Variants in ADK observed in about 807,000 individuals in gnomAD.
The protein encoded by ADK is adenosine kinase, also known as N6,N6-dimethyladenosine kinase.
In ADK, 24 loss-of-function variants were observed where a neutral mutation model predicts 44.7. That is an observed-to-expected ratio of 0.54 (90% CI 0.39 to 0.76). The LOEUF (loss-of-function observed/expected upper bound fraction) is 0.76. Ranked by LOEUF, ADK falls within the 30% of genes least tolerant of loss-of-function variation. The pLI, the probability that ADK is intolerant of heterozygous loss-of-function variation, is 0.00. For synonymous variants in ADK, 128 were observed against 142.6 expected (o/e 0.90, Z 0.73); for missense variants, 321 against 425.1 (o/e 0.76, Z 2.15).
chr10:74,490,080 A>G (rs1216101398), intron 6 of ADK, among the ~76,000 whole-genome samples: 1 of 152,038 alleles, frequency 6.6e-6, no homozygotes, highest in Non-Finnish European at 1.5e-5. Context: ...CCATGGTTCC[A>G]GTCATAATCT....
intron 10 of ADK, among the ~76,000 whole-genome samples, chr10:74,705,936 A>G (rs1856590229): frequency 6.6e-6 from 1 of 152,344 alleles, no homozygotes; most frequent in African/African-American, 2.4e-5. Flanking sequence ...CTTCTTTGCT[A>G]AAATGTTAAA....
chr10:74,372,986 A>G (rs773603908), intron 4 of ADK, among the ~76,000 whole-genome samples: 54 of 152,328 alleles, frequency 3.5e-4, no homozygotes, highest in Admixed American at 8.5e-4. Flanking sequence ...AATGATAGAC[A>G]TATCTATTAA....
At chr10:74,374,909 C>T (rs1842772125) in intron 4 of ADK, among the ~76,000 whole-genome samples, 1 of 152,062 alleles carries the variant, frequency 6.6e-6, no homozygotes, top group African/African-American at 2.4e-5. Context: ...GTTTTTTGTT[C>T]GTACCTTTAT....
chr10:74,605,398 A>T (rs1306173912), intron 9 of ADK, among the ~76,000 whole-genome samples: 1 of 152,130 alleles, frequency 6.6e-6, no homozygotes, highest in Non-Finnish European at 1.5e-5. Flanking sequence ...AATAGTTCGT[A>T]TTATTTTAAG....
In ADK at chr10:74,503,978, C is replaced by G. The variant is rs1847962319; in HGVS notation, c.556-21278C>G. On this transcript the variant is annotated intron_variant, in intron 6 of 10. Coordinates refer to ENST00000539909, the MANE Select transcript of ADK (RefSeq NM_006721.4). ...ACAGATTTACTTACGCTACCTCATA[C>G]AGAATAAAGTACTTCCATTTTCCAA... is the stretch of plus-strand genomic sequence containing the variant. Among the ~76,000 whole-genome samples, 4 of 152,114 alleles carry G rather than the reference C, an allele frequency of 2.6e-5. No homozygotes were observed. The South Asian group carries it at 8.3e-4, about 32-fold the overall frequency.
chr10:74,557,486 T>C (rs936677562), intron 7 of ADK, among the ~76,000 whole-genome samples: 1 of 152,226 alleles, frequency 6.6e-6, no homozygotes. Flanking sequence ...CTGGACATCA[T>C]AGAAACAGAT....
chr10:74,475,844 G>A (rs1334075591), intron 6 of ADK, among the ~76,000 whole-genome samples: 1 of 151,442 alleles, frequency 6.6e-6, no homozygotes, highest in East Asian at 1.9e-4. Context: ...GGGAGGGAAG[G>A]TAGGTGGGAA....
intron 9 of ADK, among the ~76,000 whole-genome samples, chr10:74,647,825 T>G (rs943992555): frequency 5.3e-5 from 8 of 152,170 alleles, no homozygotes. Flanking sequence ...AGGCAAACCC[T>G]ATGCATTTAA....
chr10:74,164,947 A>G (rs1429010253), intron 1 of ADK, among the ~76,000 whole-genome samples: 1 of 152,218 alleles, frequency 6.6e-6, no homozygotes, highest in East Asian at 1.9e-4. Flanking sequence ...CTTTACTCTC[A>G]TAAAACAGGT....
chr10:74,520,715 A>C (rs1273686741), intron 6 of ADK, among the ~76,000 whole-genome samples: 2 of 152,044 alleles, frequency 1.3e-5, no homozygotes, highest in Non-Finnish European at 2.9e-5. Context: ...TAATGTGTTT[A>C]AGTTTTTTCG....
At chr10:74,592,637 G>A (rs928335066) in intron 8 of ADK, among the ~76,000 whole-genome samples, 3 of 151,904 alleles carry the variant, frequency 2.0e-5, no homozygotes, top group Non-Finnish European at 2.9e-5. Context: ...GGGAAACAAA[G>A]CAATCCTTTT....
intron 4 of ADK, among the ~76,000 whole-genome samples, chr10:74,337,760 ATTTTTT>A (rs71475276): frequency 7.7e-6 from 1 of 130,150 alleles, no homozygotes; most frequent in Non-Finnish European, 1.6e-5. Flanking sequence ...TCTTCGGATG[ATTTTTT>A]TTTTTTTTTT....
At chr10:74,621,227 T>C (rs377449092) in intron 9 of ADK, among the ~76,000 whole-genome samples, 4 of 152,200 alleles carry the variant, frequency 2.6e-5, no homozygotes, top group African/African-American at 9.6e-5. Context: ...CCATTTTGAG[T>C]TGATTTTTAC....
intron 3 of ADK, among the ~76,000 whole-genome samples, chr10:74,235,839 C>T (rs1285397826): frequency 6.6e-6 from 1 of 152,122 alleles, no homozygotes; most frequent in Non-Finnish European, 1.5e-5. Context: ...GGGGCTCTAC[C>T]TTCATGAGTG....
At chr10:74,207,512 C>T (rs1027987700) in intron 2 of ADK, among the ~76,000 whole-genome samples, 7 of 152,220 alleles carry the variant, frequency 4.6e-5, no homozygotes, top group Admixed American at 4.6e-4. Context: ...GAACAGCTCT[C>T]AGGAGACCCG....
chr10:74,585,880 G>A (rs1303199254), intron 7 of ADK, among the ~76,000 whole-genome samples: 1 of 152,148 alleles, frequency 6.6e-6, no homozygotes, highest in Non-Finnish European at 1.5e-5. Flanking sequence ...TTACTGCAAA[G>A]GCACACTAAA....
At chr10:74,157,002 C>T (rs2132029401) in intron 1 of ADK, among the ~76,000 whole-genome samples, 1 of 152,312 alleles carries the variant, frequency 6.6e-6, no homozygotes, top group Admixed American at 6.5e-5. Flanking sequence ...GGGTCAGATG[C>T]TCTGTATGAA....
intron 9 of ADK, among the ~76,000 whole-genome samples, chr10:74,663,234 C>CAA (rs199865584): frequency 3.9e-5 from 5 of 129,286 alleles, no homozygotes; most frequent in Admixed American, 8.0e-5. Flanking sequence ...GATGCTATCT[C>CAA]AAAAAAAAAA....
At chr10:74,390,630 C>T (rs995152679) in intron 4 of ADK, among the ~76,000 whole-genome samples, 8 of 152,134 alleles carry the variant, frequency 5.3e-5, no homozygotes, top group Non-Finnish European at 7.4e-5. Flanking sequence ...TTCCAGATGT[C>T]ACAGTTATTC....
Sources: allele counts gnomAD v4.1 joint callset (sites outside exome capture counted in the v4.1 genomes callset), GRCh38; gene constraint gnomAD v4.1.1; transcripts MANE v1.5; gene names NCBI Gene and HGNC (gene_info 2026-07-23, HGNC 2026-07-21).